The following TBC1D24 variants were observed in gnomAD, a reference collection of about 807,000 sequenced individuals.
TBC1D24 encodes Infantile myoclonic epilepsy.
Under a neutral mutation model 50.7 loss-of-function variants are expected in TBC1D24, and 47 were observed. That is an observed-to-expected ratio of 0.93 (90% CI 0.73 to 1.18). TBC1D24 has a LOEUF of 1.18. TBC1D24 is among the 50% of genes most tolerant of loss of function. The pLI is 0.00. For synonymous variants in TBC1D24, 324 were observed against 335.2 expected (o/e 0.97, Z 0.36); for missense variants, 688 against 766.5 (o/e 0.90, Z 1.21).
At chr16:2,476,096 G>A (rs1332300302) in intron 1 of TBC1D24, among the ~76,000 whole-genome samples, 1 of 152,246 alleles carries the variant, frequency 6.6e-6, no homozygotes, top group African/African-American at 2.4e-5. Flanking sequence ...GCCGATAGAA[G>A]CACTAGCGGG....
intron 1 of TBC1D24, chr16:2,479,542 G>C (rs1426807173): frequency 6.6e-6 from 1 of 152,342 alleles, no homozygotes; most frequent in Non-Finnish European, 1.5e-5. Flanking sequence ...GAGGCCACGT[G>C]TGTGATGCGT....
Position 2,500,063 on chromosome 16 carries a change from G to A in TBC1D24, c.1302+133G>A. Reference sequence around the variant, plus strand: ...ACCCAGCAGCGTCATCGCCCTGTGTGCTTCCGGGTTTGATCATTCAGCCGT... The same window carrying A: ...ACCCAGCAGCGTCATCGCCCTGTGTACTTCCGGGTTTGATCATTCAGCCGT... On this transcript the variant is annotated intron_variant, in intron 6 of 7. Coordinates refer to ENST00000646147, the MANE Select transcript of TBC1D24 (RefSeq NM_001199107.2). This position sits in a 1 kb window ranked among gnomAD's most constrained non-coding sequence, Gnocchi z 8.0. The A allele has an allele frequency of 1.0e-6, 1 of 987,368 alleles. No homozygotes were observed. The highest frequency in any genetic ancestry group is 1.3e-5 in the South Asian group (1 of 75,928). 61.2% of individuals were successfully genotyped at this position (987,368 alleles called of 1,614,324 possible).
rs938052677 is a variant in TBC1D24 at position 2,482,312 on chromosome 16, C to T, written c.-116+7142C>T. The T allele has an allele frequency of 2.6e-5, 4 of 152,342 alleles. No homozygotes were observed. The highest frequency in any genetic ancestry group is 7.2e-5 in the African/African-American group (3 of 41,422). The allele number at this position is 152,342 out of a possible 1,614,324, so 9.4% of individuals were successfully genotyped here. A position where few individuals can be genotyped will look rare whatever the true frequency, so the allele number is the denominator to read the frequency against. On this transcript the variant is annotated intron_variant, in intron 1 of 7. Transcript: ENST00000646147. The surrounding 1 kb of genome is among the most constrained non-coding windows in gnomAD (Gnocchi z 5.2). ...GGGCTGGGTGGATAAGCCAGCACCA[C>T]GATGGTGGGTGTGCTGGGCAAGGGT...
chr16:2,493,255 C>T (rs1164876570), intron 1 of TBC1D24, among the ~76,000 whole-genome samples: 2 of 151,848 alleles, frequency 1.3e-5, no homozygotes, highest in African/African-American at 2.4e-5. Context: ...TCTCCTGCCT[C>T]AGCCTCCCGA....
At chr16:2,489,740 G>A (rs1318778239) in intron 1 of TBC1D24, among the ~76,000 whole-genome samples, 1 of 152,182 alleles carries the variant, frequency 6.6e-6, no homozygotes, top group East Asian at 1.9e-4. Context: ...GATGTCCCAG[G>A]CATTCTAGAA....
chr16:2,496,307 G>T lies in TBC1D24; in HGVS notation c.159G>T (p.Lys53Asn). Residue 53 changes from lysine (K) to asparagine (N), a missense_variant, in exon 2 of 8, where the codon AAG becomes AAT. By Grantham distance (94) the Lys-to-Asn change is moderately conservative. Transcript: ENST00000646147. ...CCCAAAGCCACGCCCTGCGGGGAAA[G>T]GTGTACCAGCGCCTGATCCGGGACA... ...YWAQSHALRG[K>N]VYQRLIRDIP... 1 of 1,613,694 alleles carries T rather than the reference G, an allele frequency of 6.2e-7. No homozygotes were observed.
intron 1 of TBC1D24, among the ~76,000 whole-genome samples, chr16:2,494,652 C>A (rs1262740629): frequency 6.6e-6 from 1 of 152,030 alleles, no homozygotes; most frequent in Admixed American, 6.6e-5. Flanking sequence ...AGTCCTCCCA[C>A]CTTGGCCTCC....
At position 2,499,511 on chromosome 16, in the gene TBC1D24, GC is replaced by G; in HGVS notation, c.1206+93del. 3 of 1,206,658 alleles carry G rather than the reference GC, an allele frequency of 2.5e-6. No individual in the cohort carries two copies. Among genetic ancestry groups the G allele is most frequent in the South Asian group, 1.3e-5 (1 of 78,756 alleles). 74.7% of individuals were successfully genotyped at this position (1,206,658 alleles called of 1,614,324 possible). ...AGGGCTGGCTCTGATGGGCTTCAGG[GC>G]CTAGGCCTCCTGGGCCAGATCCAGA... is the stretch of plus-strand genomic sequence containing the variant. On this transcript the variant is annotated intron_variant, in intron 5 of 7. Transcript: ENST00000646147. The surrounding 1 kb of genome is among the most constrained non-coding windows in gnomAD (Gnocchi z 4.0).
intron 1 of TBC1D24, chr16:2,478,585 C>T (rs993677874): frequency 6.6e-6 from 1 of 152,300 alleles, no homozygotes; most frequent in African/African-American, 2.4e-5. Flanking sequence ...TGGGTTGGGT[C>T]TTCCCAGGAG....
rs915416373 is a variant in TBC1D24 at position 2,486,161 on chromosome 16, C to T, written c.-115-9873C>T. On this transcript the variant is annotated intron_variant, in intron 1 of 7. Coordinates refer to ENST00000646147, the MANE Select transcript of TBC1D24 (RefSeq NM_001199107.2). This position sits in a 1 kb window ranked among gnomAD's most constrained non-coding sequence, Gnocchi z 5.8. ...AAGGTCCAGGGGCTTCCGTGGGGAGCGAGATTGTTTTGGATCCCGCCAGGG... is the reference window on the plus strand; with the variant it reads ...AAGGTCCAGGGGCTTCCGTGGGGAGTGAGATTGTTTTGGATCCCGCCAGGG... 2.0e-5 allele frequency among the ~76,000 whole-genome samples: 3 copies of T among 152,178 alleles called. No individual in the cohort carries two copies. The highest frequency in any genetic ancestry group is 2.1e-4 in the South Asian group (1 of 4,834).
In TBC1D24 at chr16:2,497,005, T is replaced by C; in HGVS notation, c.857T>C (p.Leu286Pro). ...AAGACGGTGTCCCCTGAGAAGCTGC[T>C]GGAGAAAGCGTTCGCCATCCGCCTC... The part of the protein sequence containing the change: ...IAKTVSPEKL[L>P]EKAFAIRLFS... The change falls in exon 2 of 8, where the codon CTG becomes CCG. Residue 286 changes from leucine (L) to proline (P), a missense_variant. Leu to Pro is a moderately conservative substitution (Grantham distance 98, BLOSUM62 -3). Transcript: ENST00000646147. 1 of 1,613,932 alleles carries C rather than the reference T, an allele frequency of 6.2e-7. No homozygotes were observed. Among genetic ancestry groups the C allele is most frequent in the Non-Finnish European group, 8.5e-7 (1 of 1,180,042 alleles).
At position 2,491,502 on chromosome 16, in the gene TBC1D24, C is replaced by T. The variant is rs146661218; in HGVS notation, c.-115-4532C>T. Among the ~76,000 whole-genome samples the T allele has an allele frequency of 7.8e-3, 1,187 of 151,968 alleles. 13 individuals carry two copies. The highest frequency in any genetic ancestry group is 0.012 in the Admixed American group (186 of 15,264). The stretch of plus-strand genomic sequence containing the variant: ...CTCCTGGGCTCTGGTGATCCTCCCA[C>T]CTTAACCTCCTGAGTAGCTGGGACT... On this transcript the variant is annotated intron_variant, in intron 1 of 7. Coordinates refer to ENST00000646147, the MANE Select transcript of TBC1D24 (RefSeq NM_001199107.2).
rs201257588 is a variant in TBC1D24, at chr16:2,496,206, C to T, written c.58C>T (p.Gln20Ter). The change falls in exon 2 of 8, where the codon CAG becomes TAG. Residue 20 changes from glutamine to a stop codon, truncating the protein, a stop_gained. Coordinates refer to ENST00000646147, the MANE Select transcript of TBC1D24 (RefSeq NM_001199107.2). LOFTEE classifies it high-confidence loss of function. ...CAAAGACAAGATGGACGCTGCCATCCAGGACCTGGGGCCCAAGGAGCTGAG... is the reference window on the plus strand; with the variant it reads ...CAAAGACAAGATGGACGCTGCCATCTAGGACCTGGGGCCCAAGGAGCTGAG... ...VDKDKMDAAI[Q>*]DLGPKELSCT... 36 of 1,613,834 alleles carry T rather than the reference C, an allele frequency of 2.2e-5. No individual in the cohort carries two copies. Among genetic ancestry groups the T allele is most frequent in the Non-Finnish European group, 1.2e-5 (14 of 1,180,032 alleles).
chr16:2,480,947 C>A (rs549698745), intron 1 of TBC1D24: 2 of 152,378 alleles, frequency 1.3e-5, no homozygotes, highest in Non-Finnish European at 1.5e-5. Flanking sequence ...AGTCAGAGCC[C>A]CAAAGGACAC....
At chr16:2,484,057 C>G (rs1344469981) in intron 1 of TBC1D24, 1 of 152,162 alleles carries the variant, frequency 6.6e-6, no homozygotes, top group African/African-American at 2.4e-5. Context: ...GCAGGCATCT[C>G]CCACCCCTGA....
At chr16:2,497,842 C>T (rs572657879) in intron 3 of TBC1D24, 115 bp downstream of exon 3, 2 of 1,101,246 alleles carry the variant, frequency 1.8e-6, no homozygotes, top group South Asian at 2.7e-5. Context: ...TTCAGCAGCG[C>T]TGCCTCTGAG....
At chr16:2,495,613 A>G (rs1431638597) in intron 1 of TBC1D24, among the ~76,000 whole-genome samples, 5 of 152,224 alleles carry the variant, frequency 3.3e-5, no homozygotes, top group Admixed American at 2.6e-4. Context: ...CCCTGTCTCT[A>G]GTAAAAATAC....
In TBC1D24 at chr16:2,499,875, A is replaced by AT; in HGVS notation, c.1248dup (p.Lys417Ter). ...CTGTCCACAGACTGGAGTGAGAGAA[A>AT]TAAGTTTGGAGGCAAACTGGGCTTC... On this transcript the variant is annotated frameshift_variant, in exon 6 of 8. Coordinates refer to ENST00000646147, the MANE Select transcript of TBC1D24 (RefSeq NM_001199107.2). LOFTEE classifies it high-confidence loss of function. The surrounding 1 kb of genome is among the most constrained non-coding windows in gnomAD (Gnocchi z 4.0). 6.2e-7 allele frequency: 1 copy of AT among 1,614,060 alleles called. No homozygotes were observed.
intron 3 of TBC1D24, 127 bp downstream of exon 3, chr16:2,497,854 C>A: frequency 1.1e-6 from 1 of 940,724 alleles, no homozygotes; most frequent in Non-Finnish European, 1.6e-6. Flanking sequence ...GCCTCTGAGC[C>A]GGACTGATGC....
Sources: allele counts gnomAD v4.1 joint callset (sites outside exome capture counted in the v4.1 genomes callset), GRCh38; gene constraint gnomAD v4.1.1; non-coding constraint Gnocchi (gnomAD v3.1); transcripts MANE v1.5; gene names NCBI Gene and HGNC (gene_info 2026-07-23, HGNC 2026-07-21).